The following SMIM14 variants were observed in gnomAD, a reference collection of about 807,000 sequenced individuals.
The protein encoded by SMIM14 is small integral membrane protein 14, also known as chromosome 4 open reading frame 34.
Under a neutral mutation model 12.6 loss-of-function variants are expected in SMIM14, and 5 were observed. The ratio of observed to expected loss-of-function variants is 0.40; its 90% confidence interval spans 0.21 to 0.83. The LOEUF (loss-of-function observed/expected upper bound fraction) is 0.83, where lower values mean the gene tolerates loss of function less well. Among genes scored for constraint, SMIM14 ranks in the 40% least tolerant of loss-of-function variants. SMIM14 has a pLI of 0.37. For synonymous variants in SMIM14, 30 were observed against 40.1 expected, an observed-to-expected ratio of 0.75 and a Z score of 0.95; for missense variants, 86 against 119.1, an observed-to-expected ratio of 0.72 and a Z score of 1.29.
rs150358544 is a variant in SMIM14 at position 39,636,027 on chromosome 4, G to C, written c.-36+2712C>G. ...GTCTCTACTAAAAATACAAAAATTA[G>C]TCGGGCGTGATGGTGTGCACCTGTA... On this transcript the variant is annotated intron_variant, in intron 1 of 4. Transcript: ENST00000295958. Among the ~76,000 whole-genome samples the C allele has an allele frequency of 1.4e-3, 208 of 151,964 alleles. 2 individuals carry two copies. The highest frequency in any genetic ancestry group is 4.8e-3 in the African/African-American group (198 of 41,444).
intron 4 of SMIM14, among the ~76,000 whole-genome samples, chr4:39,553,885 C>T (rs774282034): frequency 3.9e-5 from 6 of 152,058 alleles, no homozygotes; most frequent in Admixed American, 1.3e-4. Context: ...AGAGCCACCG[C>T]GCCTGGTCTA....
intron 1 of SMIM14, 130 bp downstream of exon 1, chr4:39,638,609 C>T: frequency 1.0e-6 from 1 of 976,930 alleles, no homozygotes; most frequent in Non-Finnish European, 1.2e-6. Context: ...GAGGAAACGC[C>T]AAGCCCGAGA....
At chr4:39,614,409 C>T (rs1213355952) in intron 1 of SMIM14, among the ~76,000 whole-genome samples, 1 of 151,652 alleles carries the variant, frequency 6.6e-6, no homozygotes, top group Admixed American at 6.6e-5. Context: ...GCAACCTCCA[C>T]CTCCCAGGTT....
At chr4:39,638,577 G>A (rs1560314738) in intron 1 of SMIM14, 162 bp downstream of exon 1, 5 of 980,154 alleles carry the variant, frequency 5.1e-6, no homozygotes, top group Admixed American at 6.1e-5. Context: ...GCTTCTCCCG[G>A]TGCAGAATCG....
At chr4:39,624,159 T>C (rs1715605692) in intron 1 of SMIM14, among the ~76,000 whole-genome samples, 1 of 152,178 alleles carries the variant, frequency 6.6e-6, no homozygotes, top group Admixed American at 6.5e-5. Context: ...TCATACACAA[T>C]ACTTTTTACA....
In SMIM14 at chr4:39,548,224, G is replaced by C. The variant is rs1747417579; in HGVS notation, c.*3902C>G. 6.6e-6 allele frequency: 1 copy of C among 150,646 alleles called. No homozygotes were observed. The highest frequency in any genetic ancestry group is 6.6e-5 in the Admixed American group (1 of 15,098). The allele number at this position is 150,646 out of a possible 1,614,324, so 9.3% of individuals were successfully genotyped here. On this transcript the variant is annotated 3_prime_UTR_variant, in exon 5 of 5. Transcript: ENST00000295958. ...CCAGCCTGAAAAAAATCTTTTACTAGAAACAGTTCCAATGTTAACTTTTCC... is the reference window on the plus strand; with the variant it reads ...CCAGCCTGAAAAAAATCTTTTACTACAAACAGTTCCAATGTTAACTTTTCC...
At chr4:39,576,211 C>G (rs1328780544) in intron 2 of SMIM14, among the ~76,000 whole-genome samples, 1 of 144,874 alleles carries the variant, frequency 6.9e-6, no homozygotes, top group South Asian at 2.2e-4. Context: ...TTTTTTCTTT[C>G]TTTTTATATA....
chr4:39,609,237 C>T (rs1479965268), intron 1 of SMIM14, among the ~76,000 whole-genome samples: 1 of 152,172 alleles, frequency 6.6e-6, no homozygotes, highest in Non-Finnish European at 1.5e-5. Flanking sequence ...GCCTTGGCCT[C>T]CCAAAGTGCT....
In SMIM14 at chr4:39,550,702, C is replaced by T. The variant is rs1002001728; in HGVS notation, c.*1424G>A. On this transcript the variant is annotated 3_prime_UTR_variant, in exon 5 of 5. Coordinates refer to ENST00000295958, the MANE Select transcript of SMIM14 (RefSeq NM_174921.3). ...CTCATATTAACATTCCTTCCTACCC[C>T]AATCCATCCCATCACCAAACAGGAA... 2.6e-5 allele frequency: 4 copies of T among 152,142 alleles called. No homozygotes were observed. The highest frequency in any genetic ancestry group is 6.6e-5 in the Admixed American group (1 of 15,264). 9.4% of individuals were successfully genotyped at this position (152,142 alleles called of 1,614,324 possible).
chr4:39,619,798 A>C (rs1715396160), intron 1 of SMIM14, among the ~76,000 whole-genome samples: 2 of 139,758 alleles, frequency 1.4e-5, no homozygotes, highest in Admixed American at 7.4e-5. Context: ...ATTTATATAT[A>C]TCTCAATTTT....
intron 2 of SMIM14, among the ~76,000 whole-genome samples, chr4:39,603,616 G>A (rs1714696568): frequency 6.6e-6 from 1 of 151,928 alleles, no homozygotes; most frequent in Non-Finnish European, 1.5e-5. Context: ...AAACAGCCCT[G>A]TATTTAAGCT....
At chr4:39,624,154 C>T (rs182704133) in intron 1 of SMIM14, among the ~76,000 whole-genome samples, 57 of 152,278 alleles carry the variant, frequency 3.7e-4, no homozygotes, top group Middle Eastern at 3.4e-3. Flanking sequence ...CCTACTCATA[C>T]ACAATACTTT....
At chr4:39,582,430 C>T (rs534809795) in intron 2 of SMIM14, among the ~76,000 whole-genome samples, 4 of 152,034 alleles carry the variant, frequency 2.6e-5, no homozygotes, top group East Asian at 1.9e-4. Context: ...TTTGGGAAGC[C>T]GAGGCAGGTG....
At chr4:39,560,503 T>C (rs10023654) in intron 3 of SMIM14, among the ~76,000 whole-genome samples, 19,321 of 151,728 alleles carry the variant, frequency 0.13, 2,857 homozygotes, top group African/African-American at 0.36. Flanking sequence ...CTATGGTATA[T>C]ATCAGAGTCA....
intron 3 of SMIM14, among the ~76,000 whole-genome samples, chr4:39,562,951 G>A (rs1299718227): frequency 6.6e-6 from 1 of 152,026 alleles, no homozygotes; most frequent in Admixed American, 6.6e-5. Context: ...GCAACTCTAA[G>A]TTCTTTAGCT....
chr4:39,632,775 T>TCACACACACA (rs369057968), intron 1 of SMIM14, among the ~76,000 whole-genome samples: 8 of 115,016 alleles, frequency 7.0e-5, no homozygotes, highest in Non-Finnish European at 1.0e-4. Flanking sequence ...GAGACTCCCG[T>TCACACACACA]CACACACACA....
intron 1 of SMIM14, among the ~76,000 whole-genome samples, chr4:39,613,397 T>C (rs1395883510): frequency 1.3e-5 from 2 of 152,254 alleles, no homozygotes; most frequent in African/African-American, 4.8e-5. Context: ...TCCTGTACAC[T>C]TGAGCTGTTT....
At chr4:39,636,886 G>A (rs1028162510) in intron 1 of SMIM14, among the ~76,000 whole-genome samples, 7 of 152,106 alleles carry the variant, frequency 4.6e-5, no homozygotes, top group African/African-American at 1.7e-4. Context: ...ATGTGAATGT[G>A]GTCTCTGAAA....
chr4:39,621,901 CG>C (rs1715510885), intron 1 of SMIM14, among the ~76,000 whole-genome samples: 1 of 150,400 alleles, frequency 6.6e-6, no homozygotes, highest in South Asian at 2.1e-4. Context: ...AGGCTAGTCT[CG>C]AACTCCCAGG....
Sources: allele counts gnomAD v4.1 joint callset (sites outside exome capture counted in the v4.1 genomes callset), GRCh38; gene constraint gnomAD v4.1.1; transcripts MANE v1.5; gene names NCBI Gene and HGNC (gene_info 2026-07-23, HGNC 2026-07-21).